Variants in DCLK1 observed in about 807,000 individuals in gnomAD.
DCLK1 encodes the protein serine/threonine-protein kinase DCLK1.
Under a neutral mutation model 86.2 loss-of-function variants are expected in DCLK1, and 16 were observed. That is an observed-to-expected ratio of 0.19 (90% confidence interval 0.13 to 0.28). DCLK1 has a LOEUF of 0.28. Among genes scored for constraint, DCLK1 ranks in the 10% least tolerant of loss-of-function variants. The pLI is 1.00. For missense variants in DCLK1, 590 were observed against 940.2 expected (o/e 0.63, Z 4.87); for synonymous variants, 369 against 370.5 (o/e 1.00, Z 0.05).
intron 3 of DCLK1, among the ~76,000 whole-genome samples, chr13:36,075,321 T>G (rs1884156295): frequency 6.6e-6 from 1 of 152,236 alleles, no homozygotes. Context: ...GATACATAAT[T>G]ACTATGGCTT....
At chr13:36,082,279 A>G (rs1403001727) in intron 3 of DCLK1, among the ~76,000 whole-genome samples, 1 of 152,050 alleles carries the variant, frequency 6.6e-6, no homozygotes, top group Non-Finnish European at 1.5e-5. Flanking sequence ...ATCCACTTCC[A>G]CTTAACGAAT....
At chr13:36,000,503 A>G (rs901222567) in intron 3 of DCLK1, among the ~76,000 whole-genome samples, 2 of 152,098 alleles carry the variant, frequency 1.3e-5, no homozygotes, top group Non-Finnish European at 2.9e-5. Flanking sequence ...TAAGAGCGGG[A>G]TACCATATTT....
chr13:35,914,345 A>G (rs1441301024), intron 4 of DCLK1, among the ~76,000 whole-genome samples: 5 of 17,236 alleles, frequency 2.9e-4, no homozygotes, highest in African/African-American at 7.4e-4. Context: ...ATATATATAT[A>G]TATACATATA....
intron 11 of DCLK1, among the ~76,000 whole-genome samples, chr13:35,812,029 A>G (rs1457464360): frequency 6.6e-6 from 1 of 152,190 alleles, no homozygotes; most frequent in Non-Finnish European, 1.5e-5. Context: ...TCAGGTGCAG[A>G]GTCAGCATCC....
At chr13:35,906,308 A>T (rs937894355) in intron 4 of DCLK1, among the ~76,000 whole-genome samples, 4 of 146,304 alleles carry the variant, frequency 2.7e-5, no homozygotes. Flanking sequence ...TTGGCCAAGT[A>T]TTTTCTTTTT....
chr13:35,926,098 G>A lies in DCLK1; in HGVS notation c.823+21260C>T, dbSNP rs191710847. ...TCCTGAGACAGAGTCTCACTTTGTC[G>A]CCCAGGCTGGAGTGCAGTGGCACGA... On this transcript the variant is annotated intron_variant, in intron 4 of 16. Transcript: ENST00000360631. Among the ~76,000 whole-genome samples, 1,142 of 148,806 alleles carry A rather than the reference G, an allele frequency of 7.7e-3. 21 individuals are homozygous for A. The highest frequency in any genetic ancestry group is 0.026 in the African/African-American group (1,055 of 40,034).
At chr13:35,920,498 G>A (rs1341200461) in intron 4 of DCLK1, among the ~76,000 whole-genome samples, 1 of 152,106 alleles carries the variant, frequency 6.6e-6, no homozygotes, top group East Asian at 1.9e-4. Context: ...GTATTCTCAA[G>A]GAGTTAGGCT....
chr13:35,868,947 T>C (rs952025429), intron 5 of DCLK1, among the ~76,000 whole-genome samples: 1 of 152,068 alleles, frequency 6.6e-6, no homozygotes, highest in African/African-American at 2.4e-5. Flanking sequence ...CCCACCACCA[T>C]GCCTGGCTAA....
At chr13:35,938,641 C>A (rs577896642) in intron 4 of DCLK1, among the ~76,000 whole-genome samples, 1 of 151,140 alleles carries the variant, frequency 6.6e-6, no homozygotes, top group South Asian at 2.1e-4. Flanking sequence ...AAAAAAAAAG[C>A]CCTAGCGGAC....
At position 35,809,091 on chromosome 13, in the gene DCLK1, C is replaced by T. The variant is rs2087091146; in HGVS notation, c.1693G>A (p.Gly565Ser). The change falls in exon 13 of 17, where the codon GGC (glycine) becomes AGC (serine). Residue 565 changes from glycine to serine, a missense_variant. Physicochemically the swap from Gly to Ser is moderately conservative, Grantham distance 56. This residue lies in a region of DCLK1 where 28 missense variants were observed against 77.1 expected (regional missense o/e 0.36). Transcript: ENST00000360631. ...GCTGCCCAGATGTCCACCTTGAGGC[C>T]GTATCTGGAAAAATAAGGGATGTTA... ...APEIIAETGY[G>S]LKVDIWAAGV... is the part of the protein sequence containing the mutation. 3 of 1,609,294 alleles carry T rather than the reference C, an allele frequency of 1.9e-6. No individual in the cohort carries two copies. Among genetic ancestry groups the T allele is most frequent in the South Asian group, 1.1e-5 (1 of 90,470 alleles).
intron 14 of DCLK1, 92 bp downstream of exon 14, chr13:35,808,132 A>T: frequency 8.4e-7 from 1 of 1,195,122 alleles, no homozygotes. Flanking sequence ...CATACTTATG[A>T]TGTCATTAGT....
chr13:35,902,500 G>A (rs1472533073), intron 4 of DCLK1, among the ~76,000 whole-genome samples: 1 of 152,168 alleles, frequency 6.6e-6, no homozygotes, highest in Admixed American at 6.5e-5. Context: ...GTGATTTGCG[G>A]GCAGAAGCAT....
Position 35,818,376 on chromosome 13 carries a change from C to G in DCLK1, c.1554+4353G>C, listed in dbSNP as rs139715712. The stretch of plus-strand genomic sequence containing the variant: ...TCATCGTCATTTGGGTGGAACAGGA[C>G]TAGCTTATTGCTAGATATAATCCAC... On this transcript the variant is annotated intron_variant, in intron 11 of 16. Transcript: ENST00000360631. Among the ~76,000 whole-genome samples, 3 of 152,294 alleles carry G rather than the reference C, an allele frequency of 2.0e-5. No homozygotes were observed. The East Asian group carries it at 5.8e-4, about 29-fold the overall frequency.
intron 14 of DCLK1, among the ~76,000 whole-genome samples, chr13:35,806,021 T>C (rs1327014513): frequency 6.6e-6 from 1 of 152,220 alleles, no homozygotes; most frequent in East Asian, 1.9e-4. Flanking sequence ...AGAATCATTT[T>C]CATAAAAATG....
intron 3 of DCLK1, among the ~76,000 whole-genome samples, chr13:35,967,977 G>A (rs962900909): frequency 6.6e-5 from 10 of 151,852 alleles, no homozygotes; most frequent in Admixed American, 2.6e-4. Flanking sequence ...CCAGGATCAC[G>A]CCACTGCATT....
intron 6 of DCLK1, among the ~76,000 whole-genome samples, chr13:35,839,639 C>T (rs1444807910): frequency 1.3e-5 from 2 of 152,160 alleles, no homozygotes; most frequent in Non-Finnish European, 2.9e-5. Flanking sequence ...ATTAAATGCT[C>T]CACCTTACCA....
chr13:35,854,183 T>C (rs1870877232), intron 6 of DCLK1, among the ~76,000 whole-genome samples: 1 of 152,130 alleles, frequency 6.6e-6, no homozygotes, highest in Non-Finnish European at 1.5e-5. Context: ...TGATATCTAA[T>C]CAAACTCATC....
At chr13:36,119,588 G>A (rs1341596046) in intron 2 of DCLK1, among the ~76,000 whole-genome samples, 1 of 152,206 alleles carries the variant, frequency 6.6e-6, no homozygotes, top group East Asian at 1.9e-4. Context: ...TCAACATCAT[G>A]TACCCCCTGA....
intron 6 of DCLK1, chr13:35,847,003 G>A: frequency 1.0e-6 from 1 of 985,050 alleles, no homozygotes; most frequent in Non-Finnish European, 1.2e-6. Flanking sequence ...CATTATACTT[G>A]ACAATCTGCA....
Sources: gnomAD v4.1 joint callset for allele counts (sites outside exome capture counted in the v4.1 genomes callset) on GRCh38, gnomAD v4.1.1 for gene constraint, gnomAD v4.1.1 regional missense constraint, MANE v1.5 for transcripts, NCBI Gene and HGNC (gene_info 2026-07-23, HGNC 2026-07-21) for gene names.